HERC3: variants seen among roughly 807,000 people sequenced by gnomAD.
HERC3 encodes the protein probable E3 ubiquitin-protein ligase HERC3.
In HERC3, 58 loss-of-function variants were observed where a neutral mutation model predicts 129.9. The observed-to-expected ratio is 0.45, with a 90% CI of 0.36 to 0.56. The LOEUF (loss-of-function observed/expected upper bound fraction) is 0.56. HERC3 is among the 20% of genes least tolerant of loss of function. The probability of loss-of-function intolerance (pLI) is 0.00; values close to 1 mark genes in which losing one functional copy is unlikely to be tolerated. For missense variants in HERC3, 835 were observed against 1,244.2 expected (o/e 0.67, Z 4.95); for synonymous variants, 430 against 451.0 (o/e 0.95, Z 0.59).
the HERC3 span, chr4:88,527,639 T>C: frequency 3.7e-6 from 1 of 271,844 alleles, no homozygotes; most frequent in South Asian, 4.5e-5. Flanking sequence ...GGAGTGCTCT[T>C]CCATAAGCTC....
At chr4:88,571,239 C>T in the HERC3 span, among the ~76,000 whole-genome samples, 1 of 152,108 alleles carries the variant, frequency 6.6e-6, no homozygotes, top group African/African-American at 2.4e-5. Flanking sequence ...CCTGGCTCAT[C>T]CCTAGTTTAG....
At chr4:88,671,096 C>A (rs1325946140) in intron 16 of HERC3, among the ~76,000 whole-genome samples, 1 of 152,074 alleles carries the variant, frequency 6.6e-6, no homozygotes, top group African/African-American at 2.4e-5. Flanking sequence ...TCCTGCCTAC[C>A]ACCTCTGGCG....
intron 3 of HERC3, among the ~76,000 whole-genome samples, chr4:88,648,380 G>T (rs1030288538): frequency 6.6e-6 from 1 of 152,170 alleles, no homozygotes; most frequent in African/African-American, 2.4e-5. Context: ...AGCAGTATGG[G>T]AGGTAAAATA....
At chr4:88,696,906 C>T (rs1734655999) in intron 23 of HERC3, 1 of 333,296 alleles carries the variant, frequency 3.0e-6, no homozygotes, top group African/African-American at 2.1e-5. Context: ...TTCGCATCTG[C>T]TAACACCCTT....
At chr4:88,666,479 A>G (rs1393671157) in intron 12 of HERC3, among the ~76,000 whole-genome samples, 2 of 152,210 alleles carry the variant, frequency 1.3e-5, no homozygotes, top group African/African-American at 2.4e-5. Context: ...CAAAAAACAA[A>G]GTACAAGCAA....
intron 2 of HERC3, among the ~76,000 whole-genome samples, chr4:88,605,540 TTCTG>T (rs1723532894): frequency 6.6e-6 from 1 of 152,330 alleles, no homozygotes; most frequent in Admixed American, 6.5e-5. Flanking sequence ...GAAAACCATA[TTCTG>T]TCTGTTTACT....
At chr4:88,693,394 A>G in intron 23 of HERC3, 1 of 973,358 alleles carries the variant, frequency 1.0e-6, no homozygotes, top group Non-Finnish European at 1.2e-6. Context: ...ATATGTCATT[A>G]TCACCATTTC....
the HERC3 span, among the ~76,000 whole-genome samples, chr4:88,541,379 C>A: frequency 6.6e-6 from 1 of 152,208 alleles, no homozygotes; most frequent in Non-Finnish European, 1.5e-5. Flanking sequence ...ATCAATTCAA[C>A]AAGAAGAGCT....
At chr4:88,558,431 A>G in the HERC3 span, among the ~76,000 whole-genome samples, 2 of 152,336 alleles carry the variant, frequency 1.3e-5, no homozygotes, top group Middle Eastern at 3.4e-3. Flanking sequence ...GTTCTCACTT[A>G]TAAGTGGGAG....
intron 23 of HERC3, chr4:88,697,832 G>A (rs1225023826): frequency 1.3e-6 from 2 of 1,500,238 alleles, no homozygotes; most frequent in East Asian, 2.3e-5. Flanking sequence ...GAGATCTTGC[G>A]GATGCGGCAA....
At chr4:88,659,381 G>A (rs973533417) in intron 10 of HERC3, among the ~76,000 whole-genome samples, 3 of 152,184 alleles carry the variant, frequency 2.0e-5, no homozygotes, top group African/African-American at 7.2e-5. Flanking sequence ...CTATTAGTTT[G>A]ATACTTAGCT....
the HERC3 span, chr4:88,523,921 C>CAG: frequency 3.8e-4 from 197 of 524,744 alleles, 1 homozygote; most frequent in Admixed American, 1.6e-4. Context: ...AGCCCCAGGG[C>CAG]AGAGGCCTCT....
chr4:88,607,541 G>A (rs887816682), intron 3 of HERC3, among the ~76,000 whole-genome samples: 3 of 151,956 alleles, frequency 2.0e-5, no homozygotes, highest in East Asian at 1.9e-4. Context: ...TTGAGTCACC[G>A]CAACCTCCGC....
chr4:88,655,072 A>T, intron 7 of HERC3, 102 bp from the exon 8 acceptor site: 1 of 1,130,052 alleles, frequency 8.8e-7, no homozygotes, highest in Non-Finnish European at 1.2e-6. Context: ...AAGTGAATGT[A>T]GTGCTCTTGT....
intron 10 of HERC3, among the ~76,000 whole-genome samples, chr4:88,662,002 G>T (rs1434928067): frequency 1.3e-5 from 2 of 152,172 alleles, no homozygotes; most frequent in Non-Finnish European, 2.9e-5. Context: ...GAGACTCAAA[G>T]GTTTTTGGGA....
At chr4:88,527,835 G>T in the HERC3 span, 1 of 325,628 alleles carries the variant, frequency 3.1e-6, no homozygotes, top group South Asian at 2.8e-5. Context: ...ACGAACGGAA[G>T]CTGAATGTAT....
chr4:88,577,697 G>A, the HERC3 span, among the ~76,000 whole-genome samples: 1 of 150,832 alleles, frequency 6.6e-6, no homozygotes, highest in Admixed American at 6.6e-5. Flanking sequence ...AGCAATTAGT[G>A]GAAAAATTTG....
At chr4:88,657,516 A>G (rs1730043184) in intron 9 of HERC3, 1 of 152,224 alleles carries the variant, frequency 6.6e-6, no homozygotes, top group Non-Finnish European at 1.5e-5. Context: ...ATTTATTTAG[A>G]AAGTTTACCA....
the HERC3 span, among the ~76,000 whole-genome samples, chr4:88,556,614 T>C: frequency 6.6e-6 from 1 of 152,192 alleles, no homozygotes; most frequent in Non-Finnish European, 1.5e-5. Flanking sequence ...ACTTAATCCC[T>C]TACTTGCACT....
Sources: allele counts gnomAD v4.1 joint callset (sites outside exome capture counted in the v4.1 genomes callset), GRCh38; gene constraint gnomAD v4.1.1; transcripts MANE v1.5; gene names NCBI Gene and HGNC (gene_info 2026-07-23, HGNC 2026-07-21).